Variants in LRRFIP2 observed in about 807,000 individuals in gnomAD.
The protein encoded by LRRFIP2 is leucine-rich repeat flightless-interacting protein 2.
A neutral mutation model predicts 125.9 loss-of-function variants in LRRFIP2; 109 were observed. That is an observed-to-expected ratio of 0.87 (90% CI 0.74 to 1.01). The LOEUF (loss-of-function observed/expected upper bound fraction) is 1.01. Ranked by LOEUF, LRRFIP2 falls within the 50% of genes least tolerant of loss-of-function variation. LRRFIP2 has a pLI of 0.00. For synonymous variants in LRRFIP2, 291 were observed against 293.1 expected (o/e 0.99, Z 0.07); for missense variants, 850 against 862.3 (o/e 0.99, Z 0.18).
intron 1 of LRRFIP2, among the ~76,000 whole-genome samples, chr3:37,172,317 T>C (rs915058378): frequency 1.3e-5 from 2 of 151,986 alleles, no homozygotes; most frequent in African/African-American, 2.4e-5. Flanking sequence ...GAATAAATTA[T>C]GGTTCATCTA....
At chr3:37,125,809 C>G (rs2095250455) in intron 4 of LRRFIP2, among the ~76,000 whole-genome samples, 1 of 152,130 alleles carries the variant, frequency 6.6e-6, no homozygotes, top group African/African-American at 2.4e-5. Flanking sequence ...GTGTATGCAT[C>G]ATTTATTTTA....
At chr3:37,137,064 C>T (rs1001059836) in intron 2 of LRRFIP2, among the ~76,000 whole-genome samples, 26 of 151,852 alleles carry the variant, frequency 1.7e-4, no homozygotes, top group Admixed American at 1.4e-3. Context: ...ACCTCCCAGG[C>T]TCAAGTGATC....
chr3:37,140,045 CAT>C (rs2095653834), intron 2 of LRRFIP2, among the ~76,000 whole-genome samples: 2 of 152,152 alleles, frequency 1.3e-5, no homozygotes. Context: ...TCACTAAACA[CAT>C]ATTCTTTCTT....
At chr3:37,166,394 T>C (rs373527998) in intron 1 of LRRFIP2, among the ~76,000 whole-genome samples, 1 of 151,764 alleles carries the variant, frequency 6.6e-6, no homozygotes, top group Non-Finnish European at 1.5e-5. Flanking sequence ...AAGCACACTA[T>C]CAAAAAGTAA....
In LRRFIP2 at chr3:37,053,979, G is replaced by A. The variant is rs1182632751; in HGVS notation, c.2056-18C>T. ...GTTCGTAACTGGAGACAGGGAGAAT[G>A]CAGTCACTACATGTGGTCAGAAACA... On this transcript the variant is annotated intron_variant, in intron 27 of 27. Transcript: ENST00000336686. The A allele has an allele frequency of 2.1e-6, 3 of 1,402,864 alleles. No individual in the cohort carries two copies. The African/African-American group carries it at 4.2e-5, about 20-fold the overall frequency. The allele number at this position is 1,402,864 out of a possible 1,614,324, so 86.9% of individuals were successfully genotyped here. A position where few individuals can be genotyped will look rare whatever the true frequency, so the allele number is the denominator to read the frequency against.
intron 25 of LRRFIP2, among the ~76,000 whole-genome samples, chr3:37,056,825 G>A (rs2148624683): frequency 6.6e-6 from 1 of 152,218 alleles, no homozygotes; most frequent in East Asian, 1.9e-4. Flanking sequence ...TCCTATTTCT[G>A]AGCCCTAAAA....
At chr3:37,119,935 T>C (rs1322948039) in intron 6 of LRRFIP2, among the ~76,000 whole-genome samples, 2 of 152,144 alleles carry the variant, frequency 1.3e-5, no homozygotes, top group Non-Finnish European at 2.9e-5. Context: ...GTGCTGGGAT[T>C]ACAGATGTGA....
intron 1 of LRRFIP2, among the ~76,000 whole-genome samples, chr3:37,156,356 G>T (rs547936121): frequency 1.3e-5 from 2 of 151,710 alleles, no homozygotes; most frequent in South Asian, 4.2e-4. Flanking sequence ...AAAATGTTGG[G>T]GAAAGAGTAA....
intron 19 of LRRFIP2, among the ~76,000 whole-genome samples, chr3:37,079,138 A>C (rs9809687): frequency 0.021 from 3,258 of 152,310 alleles, 111 homozygotes; most frequent in African/African-American, 0.075. Context: ...TGGACAAAGG[A>C]TCTGAATAGA....
rs762616763 is a variant in LRRFIP2, at chr3:37,083,705, G to C, written c.1209C>G (p.Leu403=). The C allele has an allele frequency of 1.9e-6, 3 of 1,596,510 alleles. No homozygotes were observed. The highest frequency in any genetic ancestry group is 1.1e-5 in the South Asian group (1 of 87,638). ...CCTCCTGCTCTTCAATAACATCCTT[G>C]AGTGTGTCTACTTGGTAGATCAAAT... ...KNNLIYQVDT[L]KDVIEEQEEQ... is the part of the protein sequence containing the mutation. The change falls in exon 19 of 28, where the codon CTC becomes CTG. Residue 403 remains leucine, a synonymous_variant. Coordinates refer to ENST00000336686, the MANE Select transcript of LRRFIP2 (RefSeq NM_006309.4).
intron 19 of LRRFIP2, among the ~76,000 whole-genome samples, chr3:37,080,438 CATAAA>C (rs1304003117): frequency 5.3e-5 from 8 of 151,618 alleles, no homozygotes; most frequent in African/African-American, 1.7e-4. Flanking sequence ...AATAAAATAA[CATAAA>C]ATAAAATAAA....
intron 6 of LRRFIP2, among the ~76,000 whole-genome samples, 198 bp from the exon 7 acceptor site, chr3:37,115,293 G>A (rs565918817): frequency 1.3e-5 from 2 of 152,216 alleles, no homozygotes; most frequent in East Asian, 1.9e-4. Context: ...TTGCTAAACT[G>A]TATGTATATT....
In LRRFIP2 at chr3:37,075,038, C is replaced by A; in HGVS notation, c.1357G>T (p.Asp453Tyr). 1 of 1,612,198 alleles carries A rather than the reference C, an allele frequency of 6.2e-7. No individual in the cohort carries two copies. Among genetic ancestry groups the A allele is most frequent in the African/African-American group, 1.3e-5 (1 of 75,008 alleles). Residue 453 changes from aspartate (D) to tyrosine (Y), a missense_variant, in exon 20 of 28, where the codon GAT (aspartate) becomes TAT (tyrosine). Physicochemically the swap from Asp to Tyr is radical, Grantham distance 160. Coordinates refer to ENST00000336686, the MANE Select transcript of LRRFIP2 (RefSeq NM_006309.4). ...CATGTACATACCTCAATAAGCTCAT[C>A]TCTTTGCCGCAGGCCTTCTTTAAGT... ...EELKEGLRQRDELIEEKQRMQ... is the reference protein window; with the variant it reads ...EELKEGLRQRYELIEEKQRMQ...
At chr3:37,105,034 C>T (rs2094248615) in intron 14 of LRRFIP2, among the ~76,000 whole-genome samples, 1 of 152,032 alleles carries the variant, frequency 6.6e-6, no homozygotes, top group African/African-American at 2.4e-5. Flanking sequence ...GGTGGATAAA[C>T]ACTGGTTAAA....
chr3:37,122,168 T>C (rs2095082424), intron 4 of LRRFIP2, among the ~76,000 whole-genome samples: 1 of 147,902 alleles, frequency 6.8e-6, no homozygotes. Context: ...ACACGCGGCG[T>C]TTGGTTTTTT....
intron 18 of LRRFIP2, among the ~76,000 whole-genome samples, chr3:37,085,912 A>G (rs2093013711): frequency 6.6e-6 from 1 of 152,176 alleles, no homozygotes; most frequent in Admixed American, 6.5e-5. Context: ...TGCAAATGAT[A>G]TGATCAAGAA....
chr3:37,094,134 T>A (rs1428105533), intron 17 of LRRFIP2, among the ~76,000 whole-genome samples: 1 of 152,180 alleles, frequency 6.6e-6, no homozygotes, highest in African/African-American at 2.4e-5. Flanking sequence ...CCAGAACATA[T>A]TTTGCCTCTT....
At chr3:37,146,735 T>C (rs967357680) in intron 2 of LRRFIP2, among the ~76,000 whole-genome samples, 53 of 152,202 alleles carry the variant, frequency 3.5e-4, no homozygotes, top group African/African-American at 1.3e-3. Flanking sequence ...TTTGAGTTGA[T>C]GTAACTCAAA....
intron 24 of LRRFIP2, among the ~76,000 whole-genome samples, chr3:37,061,080 C>A (rs996679806): frequency 6.6e-6 from 1 of 152,166 alleles, no homozygotes; most frequent in Non-Finnish European, 1.5e-5. Flanking sequence ...GTAGTTCACA[C>A]AAGATCTGGT....
Sources: allele counts gnomAD v4.1 joint callset (sites outside exome capture counted in the v4.1 genomes callset), GRCh38; gene constraint gnomAD v4.1.1; transcripts MANE v1.5; gene names NCBI Gene and HGNC (gene_info 2026-07-23, HGNC 2026-07-21).